The following KRI1 variants were observed in gnomAD, a reference collection of about 807,000 sequenced individuals.
KRI1 encodes protein KRI1 homolog.
KRI1 carries 83 observed loss-of-function variants against 97.0 expected under a neutral mutation model. The ratio of observed to expected loss-of-function variants is 0.86; its 90% CI spans 0.72 to 1.03. The LOEUF (loss-of-function observed/expected upper bound fraction) is 1.03, where lower values mean the gene tolerates loss of function less well. Among genes scored for constraint, KRI1 ranks in the 50% least tolerant of loss-of-function variants. KRI1 has a pLI of 0.00. For missense variants in KRI1, 916 were observed against 928.4 expected (o/e 0.99, Z 0.17); for synonymous variants, 371 against 363.5 (o/e 1.02, Z -0.23).
intron 16 of KRI1, 49 bp from the exon 17 acceptor site, chr19:10,555,398 G>A (rs763574821): frequency 3.8e-6 from 6 of 1,599,136 alleles, no homozygotes; most frequent in Non-Finnish European, 5.1e-6. Context: ...GCCCAGGCGG[G>A]GCCTTCCCTG....
In KRI1 at chr19:10,561,229, G is replaced by A. The variant is rs923218145; in HGVS notation, c.525C>T (p.Asp175=). The part of the protein sequence containing the change: ...RAFVEDSEDE[D]GAGEGGSSLL... ...AACTGGAGCCGCCCTCCCCAGCGCC[G>A]TCCTCGTCCTCACTGTCCTCCACAA... Residue 175 remains aspartate (D), a synonymous_variant, in exon 7 of 19, where the codon GAC becomes GAT. Coordinates refer to ENST00000312962, the MANE Select transcript of KRI1 (RefSeq NM_023008.5). 2.3e-5 allele frequency: 37 copies of A among 1,613,946 alleles called. No homozygotes were observed. The highest frequency in any genetic ancestry group is 1.6e-4 in the Middle Eastern group (1 of 6,084).
chr19:10,559,793 C>A lies in KRI1; in HGVS notation c.927+17G>T, dbSNP rs757654611. 2 of 1,613,636 alleles carry A rather than the reference C, an allele frequency of 1.2e-6. No homozygotes were observed. The highest frequency in any genetic ancestry group is 2.2e-5 in the South Asian group (2 of 91,082). ...TGAACCCTGGGGGCTGAGTCCTCCC[C>A]AGCCCCAGCCACACACCGATGCTGA... On this transcript the variant is annotated intron_variant, in intron 10 of 18. Coordinates refer to ENST00000312962, the MANE Select transcript of KRI1 (RefSeq NM_023008.5).
Position 10,565,751 on chromosome 19 carries a change from G to C in KRI1, c.134C>G (p.Ser45Cys). The C allele has an allele frequency of 6.3e-7, 1 of 1,581,878 alleles. No homozygotes were observed. The highest frequency in any genetic ancestry group is 8.6e-7 in the Non-Finnish European group (1 of 1,164,660). ...GTCGCTTGAGTCCGACTCGGAGCTG[G>C]AGTCGCTGCTGCTGTCTCGGTCCCC... ...RYGDRDSSSD[S>C]SSESDSSDER... Residue 45 changes from serine to cysteine, a missense_variant, in exon 2 of 19, where the codon TCC becomes TGC. Transcript: ENST00000312962.
At position 10,560,296 on chromosome 19, in the gene KRI1, A is replaced by C. The variant is rs1448964107; in HGVS notation, c.800+16T>G. ...CGCACCCAAAATCTAGGTCCTGGGG[A>C]GATGCAGTGGCTCACCCCTCCTCTT... On this transcript the variant is annotated intron_variant, in intron 9 of 18. Transcript: ENST00000312962. The C allele has an allele frequency of 6.3e-7, 1 of 1,592,824 alleles. No individual in the cohort carries two copies. Among genetic ancestry groups the C allele is most frequent in the East Asian group, 2.2e-5 (1 of 44,662 alleles).
chr19:10,562,422 C>A (rs1916730201), intron 4 of KRI1, among the ~76,000 whole-genome samples: 1 of 151,732 alleles, frequency 6.6e-6, no homozygotes, highest in Non-Finnish European at 1.5e-5. Context: ...TAGCTCACTG[C>A]AGCCTCCATC....
At chr19:10,563,202 C>T (rs372626456) in intron 3 of KRI1, among the ~76,000 whole-genome samples, 1 of 151,484 alleles carries the variant, frequency 6.6e-6, no homozygotes, top group South Asian at 2.1e-4. Flanking sequence ...ATTACAGGTG[C>T]CCACCACCGC....
rs1191260632 is a variant in KRI1 at position 10,553,239 on chromosome 19, A to G, written c.*712T>C. The G allele has an allele frequency of 1.8e-4, 151 of 840,490 alleles. No homozygotes were observed. The highest frequency in any genetic ancestry group is 3.9e-5 in the Non-Finnish European group (22 of 570,974). The allele number at this position is 840,490 out of a possible 1,614,324, so 52.1% of individuals were successfully genotyped here. On this transcript the variant is annotated 3_prime_UTR_variant, in exon 19 of 19. Coordinates refer to ENST00000312962, the MANE Select transcript of KRI1 (RefSeq NM_023008.5). ...GCCAGGGACAGAGCCCACAGAGCCC[A>G]TACACCTGTCTCCCACCAGCGGGGC...
chr19:10,562,015 G>GTT (rs749837085), intron 4 of KRI1, among the ~76,000 whole-genome samples, 170 bp from the exon 5 acceptor site: 16 of 131,724 alleles, frequency 1.2e-4, no homozygotes, highest in East Asian at 2.3e-4. Flanking sequence ...AGTTTCCAGC[G>GTT]TTTTTTTTTT....
chr19:10,563,148 C>T (rs544388934), intron 3 of KRI1, among the ~76,000 whole-genome samples: 2 of 152,046 alleles, frequency 1.3e-5, no homozygotes, highest in South Asian at 2.1e-4. Flanking sequence ...CTCTGCCTCC[C>T]GGGTTCAAGC....
rs568903916 is a variant in KRI1, at chr19:10,553,986, G to A, written c.2077C>T (p.Arg693Trp). The change falls in exon 19 of 19, where the codon CGG becomes TGG. Residue 693 changes from arginine to tryptophan, a missense_variant. Transcript: ENST00000312962. ...RLHFRQLGRQ[R>W]RKQQGPKNSS is the part of the protein sequence containing the mutation. ...TTCTTGGGCCCCTGTTGTTTCCTCC[G>A]CTGCCGGCCCAGCTGGCGGAAGTGC... is the stretch of plus-strand genomic sequence containing the variant. 5.3e-5 allele frequency: 86 copies of A among 1,611,438 alleles called. 1 individual carries two copies. Among genetic ancestry groups the A allele is most frequent in the Admixed American group, 1.3e-4 (8 of 59,616 alleles).
chr19:10,557,738 C>T (rs1209056598), intron 15 of KRI1, 31 bp downstream of exon 15: 2 of 1,613,740 alleles, frequency 1.2e-6, no homozygotes, highest in African/African-American at 1.3e-5. Flanking sequence ...GTGCCCCCTG[C>T]CTACCCACGG....
Position 10,560,365 on chromosome 19 carries a change from A to T in KRI1, c.747T>A (p.Tyr249Ter). Residue 249 changes from tyrosine to a stop codon, truncating the protein, a stop_gained, in exon 9 of 19, where the codon TAT (tyrosine) becomes TAA (stop). Coordinates refer to ENST00000312962, the MANE Select transcript of KRI1 (RefSeq NM_023008.5). LOFTEE classifies it high-confidence loss of function. ...FLRDYILNKR[Y>*]EEEEEEEEDE... ...CTTCCTCCTCCTCTTCCTCCTCCTC[A>T]TAGCGTTTGTTGAGGATGTAATCCC... 6.2e-7 allele frequency: 1 copy of T among 1,612,784 alleles called. No individual in the cohort carries two copies. Among genetic ancestry groups the T allele is most frequent in the Non-Finnish European group, 8.5e-7 (1 of 1,179,632 alleles).
rs1310650303 is a variant in KRI1 at position 10,553,142 on chromosome 19, C to T, written c.*809G>A. On this transcript the variant is annotated 3_prime_UTR_variant, in exon 19 of 19. Coordinates refer to ENST00000312962, the MANE Select transcript of KRI1 (RefSeq NM_023008.5). ...GTCATGTCGGGTGTGGGATCTTGAG[C>T]TCTGGCAGTGATGATGGTACTTCCT... The T allele has an allele frequency of 1.3e-5, 19 of 1,461,682 alleles. No individual in the cohort carries two copies. Among genetic ancestry groups the T allele is most frequent in the Non-Finnish European group, 1.6e-5 (18 of 1,100,784 alleles). 90.5% of individuals were successfully genotyped at this position (1,461,682 alleles called of 1,614,324 possible).
rs368953047 is a variant in KRI1, at chr19:10,557,680, C to A, written c.1489G>T (p.Asp497Tyr). 1.2e-5 allele frequency: 19 copies of A among 1,614,062 alleles called. No homozygotes were observed. Among genetic ancestry groups the A allele is most frequent in the Admixed American group, 6.7e-5 (4 of 60,000 alleles). Residue 497 changes from aspartate to tyrosine, a missense_variant and splice_region_variant, in exon 16 of 19, where the codon GAC becomes TAC. By Grantham distance (160) the Asp-to-Tyr change is radical (BLOSUM62 -3). Coordinates refer to ENST00000312962, the MANE Select transcript of KRI1 (RefSeq NM_023008.5). The part of the protein sequence containing the change: ...GQEKPVFEPG[D>Y]KTFEEYLDEY... Reference sequence around the variant, plus strand: ...TCCAGGTACTCCTCGAACGTCTTGTCCCCTGCTCGAGACAGAGCCAGGCTG... The same window carrying A: ...TCCAGGTACTCCTCGAACGTCTTGTACCCTGCTCGAGACAGAGCCAGGCTG...
At chr19:10,559,774 C>G (rs765245057) in intron 10 of KRI1, 36 bp downstream of exon 10, 1 of 1,613,656 alleles carries the variant, frequency 6.2e-7, no homozygotes, top group Non-Finnish European at 8.5e-7. Flanking sequence ...GGCCTGAACC[C>G]TGGGGGCTGA....
In KRI1 at chr19:10,561,490, G is replaced by A. The variant is rs185618005; in HGVS notation, c.488+177C>T. On this transcript the variant is annotated intron_variant, in intron 6 of 18. Transcript: ENST00000312962. ...CCCCAAGATTAACCCCATTTACTAAGCCCTGAGCTCTCCTCTCAACAAGCT... is the reference window on the plus strand; with the variant it reads ...CCCCAAGATTAACCCCATTTACTAAACCCTGAGCTCTCCTCTCAACAAGCT... Among the ~76,000 whole-genome samples the A allele has an allele frequency of 9.7e-4, 148 of 152,116 alleles. 1 individual carries two copies. The highest frequency in any genetic ancestry group is 2.6e-3 in the Admixed American group (40 of 15,262).
chr19:10,565,496 G>A (rs1382071497), intron 2 of KRI1: 1 of 593,714 alleles, frequency 1.7e-6, no homozygotes, highest in Non-Finnish European at 2.9e-6. Context: ...ACATCAGAGT[G>A]GGCAGGTGGG....
chr19:10,559,965 G>T, intron 9 of KRI1, 29 bp from the exon 10 acceptor site: 2 of 1,604,522 alleles, frequency 1.2e-6, no homozygotes, highest in Non-Finnish European at 1.7e-6. Flanking sequence ...TGATGCCAGG[G>T]GGCCAGCCAA....
At chr19:10,554,352 A>T in intron 18 of KRI1, 71 bp from the exon 19 acceptor site, 1 of 1,328,174 alleles carries the variant, frequency 7.5e-7, no homozygotes, top group Non-Finnish European at 1.1e-6. Flanking sequence ...CGCATGCCCC[A>T]TTTTACAGAC....
Sources: allele counts gnomAD v4.1 joint callset (sites outside exome capture counted in the v4.1 genomes callset), GRCh38; gene constraint gnomAD v4.1.1; transcripts MANE v1.5; gene names NCBI Gene and HGNC (gene_info 2026-07-23, HGNC 2026-07-21).